Variants in ETNPPL observed in about 807,000 individuals in gnomAD.
The protein encoded by ETNPPL is ethanolamine-phosphate phospho-lyase, also known as alanine--glyoxylate aminotransferase 2-like 1.
Under a neutral mutation model 55.5 loss-of-function variants are expected in ETNPPL, and 30 were observed. The observed-to-expected ratio is 0.54, with a 90% CI of 0.40 to 0.73. The LOEUF (loss-of-function observed/expected upper bound fraction) is 0.73. Ranked by LOEUF, ETNPPL falls within the 30% of genes least tolerant of loss-of-function variation. The pLI is 0.00. For missense variants in ETNPPL, 528 were observed against 607.9 expected (o/e 0.87, Z 1.38); for synonymous variants, 202 against 207.2 (o/e 0.98, Z 0.21).
chr4:108,760,282 T>C lies in ETNPPL; in HGVS notation c.81A>G (p.Ala27=), dbSNP rs1329162660. ...CTCTCACTATTTTGATGGGATCCGATGCAAAGAAAACTTTGCATGAGGGCC... is the reference window on the plus strand; with the variant it reads ...CTCTCACTATTTTGATGGGATCCGACGCAAAGAAAACTTTGCATGAGGGCC... ...HIGPSCKVFF[A]SDPIKIVRAQ... Residue 27 remains alanine, a synonymous_variant, in exon 2 of 13, where the codon GCA becomes GCG. Coordinates refer to ENST00000296486, the MANE Select transcript of ETNPPL (RefSeq NM_031279.4). The C allele has an allele frequency of 1.2e-6, 2 of 1,610,034 alleles. No individual in the cohort carries two copies. The highest frequency in any genetic ancestry group is 1.3e-5 in the African/African-American group (1 of 74,988).
Position 108,762,959 on chromosome 4 carries a change from G to T in ETNPPL, c.-61C>A. ...TGCAAGGTCTGCGCGCCTCCTACGC[G>T]AGCCTGGGACTGCCTTGGCGGCCCC... is the stretch of plus-strand genomic sequence containing the variant. On this transcript the variant is annotated 5_prime_UTR_variant, in exon 1 of 13. Transcript: ENST00000296486. The T allele has an allele frequency of 3.9e-6, 6 of 1,548,948 alleles. No individual in the cohort carries two copies. The highest frequency in any genetic ancestry group is 5.3e-6 in the Non-Finnish European group (6 of 1,123,474).
chr4:108,750,993 A>C lies in ETNPPL; in HGVS notation c.644T>G (p.Met215Arg), dbSNP rs192932817. 6.2e-7 allele frequency: 1 copy of C among 1,613,420 alleles called. No homozygotes were observed. The highest frequency in any genetic ancestry group is 2.2e-5 in the East Asian group (1 of 44,852). ...RKIAAFIAES[M>R]QSCGGQIIPP... The stretch of plus-strand genomic sequence containing the variant: ...AATTATTTGTCCGCCACAACTCTGC[A>C]TGGATTCAGCAATAAAGGCAGCAAT... The change falls in exon 7 of 13, where the codon ATG becomes AGG. Residue 215 changes from methionine to arginine, a missense_variant. Met to Arg is a moderately conservative substitution (Grantham distance 91, BLOSUM62 -1). Transcript: ENST00000296486.
intron 11 of ETNPPL, among the ~76,000 whole-genome samples, chr4:108,745,390 T>C (rs1043516154): frequency 1.3e-5 from 2 of 151,612 alleles, no homozygotes; most frequent in Admixed American, 1.3e-4. Context: ...AGGTCGGGAG[T>C]TCGAGACCAG....
chr4:108,748,196 A>G, intron 8 of ETNPPL, 37 bp from the exon 9 acceptor site: 1 of 1,497,108 alleles, frequency 6.7e-7, no homozygotes, highest in Non-Finnish European at 9.0e-7. Flanking sequence ...AAAATATACC[A>G]GTTGAATGAG....
At position 108,746,359 on chromosome 4, in the gene ETNPPL, A is replaced by G. The variant is rs116104598; in HGVS notation, c.1303+40T>C. The G allele has an allele frequency of 4.1e-4, 651 of 1,582,514 alleles. No individual in the cohort carries two copies. The African/African-American group carries it at 7.6e-3, about 18-fold the overall frequency. On this transcript the variant is annotated intron_variant, in intron 11 of 12. Coordinates refer to ENST00000296486, the MANE Select transcript of ETNPPL (RefSeq NM_031279.4). ...CCAGGGTTTGAGGGGTGGGTTTGGG[A>G]GAGGGAACAAGAAGACATCTTAAAG...
intron 11 of ETNPPL, among the ~76,000 whole-genome samples, chr4:108,745,594 AG>A (rs1242561201): frequency 5.9e-5 from 9 of 151,860 alleles, no homozygotes; most frequent in Non-Finnish European, 1.0e-4. Context: ...ACTCTGTCTC[AG>A]AAAATAAATA....
At chr4:108,752,819 C>T (rs561232137) in intron 6 of ETNPPL, 76 bp downstream of exon 6, 2 of 826,150 alleles carry the variant, frequency 2.4e-6, no homozygotes, top group Non-Finnish European at 4.0e-6. Context: ...CCTTTTCCAT[C>T]TCTTCAGTGA....
At chr4:108,752,857 A>G (rs540319041) in intron 6 of ETNPPL, 38 bp downstream of exon 6, 2 of 1,155,934 alleles carry the variant, frequency 1.7e-6, no homozygotes, top group East Asian at 2.4e-5. Flanking sequence ...CCCTTTTATA[A>G]AAGATGTTGA....
In ETNPPL at chr4:108,760,295, T is replaced by G. The variant is rs1046405489; in HGVS notation, c.68A>C (p.Lys23Thr). 3 of 1,595,736 alleles carry G rather than the reference T, an allele frequency of 1.9e-6. No individual in the cohort carries two copies. Among genetic ancestry groups the G allele is most frequent in the Non-Finnish European group, 2.6e-6 (3 of 1,164,162 alleles). ...GATGGGATCCGATGCAAAGAAAACT[T>G]TGCATGAGGGCCTAGAAATAATCAA... is the stretch of plus-strand genomic sequence containing the variant. Reference protein sequence around the residue: ...LRKKHIGPSCKVFFASDPIKI... With the variant: ...LRKKHIGPSCTVFFASDPIKI... Residue 23 changes from lysine (K) to threonine (T), a missense_variant, in exon 2 of 13, where the codon AAA becomes ACA. Physicochemically the swap from Lys to Thr is moderately conservative, Grantham distance 78. Coordinates refer to ENST00000296486, the MANE Select transcript of ETNPPL (RefSeq NM_031279.4).
chr4:108,748,996 G>C (rs573390455), intron 8 of ETNPPL, among the ~76,000 whole-genome samples: 333 of 152,150 alleles, frequency 2.2e-3, no homozygotes, highest in Non-Finnish European at 2.9e-3. Flanking sequence ...AAACCACCAT[G>C]GCACATGTAT....
chr4:108,755,121 T>G (rs918890760), intron 4 of ETNPPL, among the ~76,000 whole-genome samples: 1 of 152,228 alleles, frequency 6.6e-6, no homozygotes, highest in Non-Finnish European at 1.5e-5. Context: ...AAAAACAACT[T>G]TATATCATAG....
chr4:108,752,834 C>T, intron 6 of ETNPPL, 61 bp downstream of exon 6: 11 of 951,800 alleles, frequency 1.2e-5, no homozygotes, highest in Non-Finnish European at 1.8e-5. Context: ...CAGTGAATCC[C>T]AACAGTTTTA....
chr4:108,756,286 T>C, intron 4 of ETNPPL, 132 bp downstream of exon 4: 1 of 606,406 alleles, frequency 1.6e-6, no homozygotes, highest in Admixed American at 2.8e-5. Context: ...ACATAATTTT[T>C]AAAAACATTA....
In ETNPPL at chr4:108,754,689, T is replaced by A. The variant is rs1297123242; in HGVS notation, c.432A>T (p.Ser144=). The change falls in exon 5 of 13, where the codon TCA becomes TCT. Residue 144 remains serine (S), a synonymous_variant. Transcript: ENST00000296486. ...TATATGGGCTAATCTCAATTAAGGA[T>A]GATAGGTGACCATGGTAAGCACTGA... ...TLDHAYHGHL[S]SLIEISPYKF... 2 of 1,595,776 alleles carry A rather than the reference T, an allele frequency of 1.3e-6. No individual in the cohort carries two copies. Among genetic ancestry groups the A allele is most frequent in the Admixed American group, 3.4e-5 (2 of 59,334 alleles).
At chr4:108,762,754 G>T in intron 1 of ETNPPL, 89 bp downstream of exon 1, 3 of 1,474,210 alleles carry the variant, frequency 2.0e-6, no homozygotes, top group East Asian at 2.3e-5. Flanking sequence ...GCAGCGCATC[G>T]TTTGTTCCCT....
Position 108,762,843 on chromosome 4 carries a change from C to A in ETNPPL, c.56G>T (p.Gly19Val). 6 of 1,614,104 alleles carry A rather than the reference C, an allele frequency of 3.7e-6. No homozygotes were observed. The highest frequency in any genetic ancestry group is 5.1e-6 in the Non-Finnish European group (6 of 1,179,942). The change falls in exon 1 of 13, where the codon GGG becomes GTG. Residue 19 changes from glycine (G) to valine (V), a missense_variant and splice_region_variant. Gly to Val is a moderately radical substitution (Grantham distance 109, BLOSUM62 -3). Coordinates refer to ENST00000296486, the MANE Select transcript of ETNPPL (RefSeq NM_031279.4). ...TACTTCCGGGCCAGGGTGCCCTTACCCGATGTGCTTCTTCCTCAGCCCCAG... is the reference window on the plus strand; with the variant it reads ...TACTTCCGGGCCAGGGTGCCCTTACACGATGTGCTTCTTCCTCAGCCCCAG... ...DTLGLRKKHIGPSCKVFFASD... is the reference protein window; with the variant it reads ...DTLGLRKKHIVPSCKVFFASD...
chr4:108,756,452 A>G lies in ETNPPL; in HGVS notation c.376T>C (p.Phe126Leu). 1 of 1,614,174 alleles carries G rather than the reference A, an allele frequency of 6.2e-7. No homozygotes were observed. The highest frequency in any genetic ancestry group is 8.5e-7 in the Non-Finnish European group (1 of 1,179,988). Residue 126 changes from phenylalanine (F) to leucine (L), a missense_variant, in exon 4 of 13, where the codon TTC becomes CTC. Physicochemically the swap from Phe to Leu is conservative, Grantham distance 22. Coordinates refer to ENST00000296486, the MANE Select transcript of ETNPPL (RefSeq NM_031279.4). Reference protein sequence around the residue: ...NDLALRLARQFRGHQDVITLD... With the variant: ...NDLALRLARQLRGHQDVITLD... ...GTGATCACATCCTGGTGGCCTCTGA[A>G]CTGCCGAGCCAGGCGTAAGGCTAAG...
intron 7 of ETNPPL, among the ~76,000 whole-genome samples, chr4:108,750,355 C>T (rs894026508): frequency 6.6e-6 from 1 of 152,030 alleles, no homozygotes; most frequent in East Asian, 2.0e-4. Context: ...ATCTTTCTCC[C>T]ATGCTGGATG....
At chr4:108,756,310 T>C in intron 4 of ETNPPL, 108 bp downstream of exon 4, 1 of 728,948 alleles carries the variant, frequency 1.4e-6, no homozygotes, top group Non-Finnish European at 2.4e-6. Flanking sequence ...CATTGCTCCA[T>C]ATATCTGTCC....
Sources: allele counts gnomAD v4.1 joint callset (sites outside exome capture counted in the v4.1 genomes callset), GRCh38; gene constraint gnomAD v4.1.1; transcripts MANE v1.5; gene names NCBI Gene and HGNC (gene_info 2026-07-23, HGNC 2026-07-21).